Variants in ERBB4 observed in about 807,000 individuals in gnomAD.
ERBB4 encodes the protein erb-b2 receptor tyrosine kinase 4.
ERBB4 carries 42 observed loss-of-function variants against 158.0 expected under a neutral mutation model. The observed-to-expected ratio is 0.27, with a 90% CI of 0.21 to 0.34. The LOEUF (loss-of-function observed/expected upper bound fraction) is 0.34. Among genes scored for constraint, ERBB4 ranks in the 10% least tolerant of loss-of-function variants. ERBB4 has a pLI of 1.00. For synonymous variants in ERBB4, 583 were observed against 558.7 expected (o/e 1.04, Z -0.61); for missense variants, 1,333 against 1,624.1 (o/e 0.82, Z 3.08).
chr2:211,769,418 A>AT lies in ERBB4; in HGVS notation c.556+18606dup, dbSNP rs1343405318. 5.3e-5 allele frequency among the ~76,000 whole-genome samples: 8 copies of AT among 152,132 alleles called. No homozygotes were observed. In the East Asian group the frequency reaches 5.8e-4, roughly 11 times the overall value. On this transcript the variant is annotated intron_variant, in intron 4 of 27. Transcript: ENST00000342788. ...CAAAGTTGCTTCCACATTTCCAGGT[A>AT]TTTTTTAGCAACACCTCACTCCTGC...
At position 211,772,908 on chromosome 2, in the gene ERBB4, T is replaced by TACACACACACAC. The variant is rs200843814; in HGVS notation, c.556+15105_556+15116dup. 4.7e-4 allele frequency among the ~76,000 whole-genome samples: 29 copies of TACACACACACAC among 61,308 alleles called. 1 individual carries two copies. Among genetic ancestry groups the TACACACACACAC allele is most frequent in the African/African-American group, 2.1e-3 (28 of 13,562 alleles). 40.2% of individuals were successfully genotyped at this position (61,308 alleles called of 152,430 possible). Reference sequence around the variant, plus strand: ...ATACACACACACACACATATATATATACACACACACACACACATATATATA... The same window carrying TACACACACACAC: ...ATACACACACACACACATATATATATACACACACACACACACACACACACACACATATATATA... On this transcript the variant is annotated intron_variant, in intron 4 of 27. Transcript: ENST00000342788.
At chr2:211,621,162 A>G (rs1324409605) in intron 18 of ERBB4, among the ~76,000 whole-genome samples, 1 of 151,966 alleles carries the variant, frequency 6.6e-6, no homozygotes, top group Non-Finnish European at 1.5e-5. Flanking sequence ...AATTCAATGT[A>G]AAGTATTTTA....
chr2:211,571,233 T>C (rs899166243), intron 19 of ERBB4, among the ~76,000 whole-genome samples: 12 of 152,006 alleles, frequency 7.9e-5, no homozygotes, highest in Admixed American at 3.3e-4. Context: ...TGGCTGTACC[T>C]CACTTTGTTT....
At chr2:212,508,419 T>A (rs1406996707) in intron 1 of ERBB4, among the ~76,000 whole-genome samples, 1 of 152,128 alleles carries the variant, frequency 6.6e-6, no homozygotes, top group Non-Finnish European at 1.5e-5. Context: ...TACTTATGGG[T>A]TTATGCATTG....
intron 20 of ERBB4, among the ~76,000 whole-genome samples, chr2:211,548,759 A>G (rs1214595871): frequency 6.6e-6 from 1 of 152,062 alleles, no homozygotes; most frequent in Non-Finnish European, 1.5e-5. Context: ...TTCTGTGAGG[A>G]TCTAGAGAAT....
At chr2:211,746,654 C>G (rs1216958759) in intron 5 of ERBB4, among the ~76,000 whole-genome samples, 2 of 151,942 alleles carry the variant, frequency 1.3e-5, no homozygotes, top group Admixed American at 6.6e-5. Context: ...CATGGCGAAA[C>G]CCCGTCTCTA....
chr2:212,195,476 T>G (rs2082398499), intron 1 of ERBB4, among the ~76,000 whole-genome samples: 1 of 144,328 alleles, frequency 6.9e-6, no homozygotes, highest in Non-Finnish European at 1.6e-5. Context: ...ATTTTTAAAT[T>G]TAAATTAATT....
intron 11 of ERBB4, among the ~76,000 whole-genome samples, chr2:211,703,605 G>A (rs1190145694): frequency 6.6e-6 from 1 of 152,074 alleles, no homozygotes; most frequent in Non-Finnish European, 1.5e-5. Context: ...TTTTATCAAT[G>A]TCCTTCTAAA....
intron 1 of ERBB4, among the ~76,000 whole-genome samples, chr2:212,265,020 G>C (rs909150804): frequency 1.4e-4 from 21 of 152,058 alleles, no homozygotes; most frequent in African/African-American, 4.6e-4. Context: ...CCTATGTGGA[G>C]AGGGGCCCAC....
chr2:212,015,777 C>T (rs992218834), intron 2 of ERBB4, among the ~76,000 whole-genome samples: 1 of 152,088 alleles, frequency 6.6e-6, no homozygotes, highest in African/African-American at 2.4e-5. Context: ...GTATTTTCAA[C>T]AGGAGGATGA....
intron 4 of ERBB4, among the ~76,000 whole-genome samples, chr2:211,769,864 A>T (rs2075647787): frequency 6.6e-6 from 1 of 152,194 alleles, no homozygotes; most frequent in Non-Finnish European, 1.5e-5. Flanking sequence ...AGCTGATTAG[A>T]TGGTGCCCAC....
chr2:212,132,781 G>A (rs1356981500), intron 1 of ERBB4, among the ~76,000 whole-genome samples: 2 of 151,980 alleles, frequency 1.3e-5, no homozygotes, highest in Admixed American at 6.6e-5. Flanking sequence ...CTCTATGTGT[G>A]TGTGCGCGCT....
intron 18 of ERBB4, among the ~76,000 whole-genome samples, chr2:211,621,068 T>A (rs755616231): frequency 6.6e-6 from 1 of 152,126 alleles, no homozygotes; most frequent in Non-Finnish European, 1.5e-5. Context: ...TGAACTGTGA[T>A]TAAACCACTG....
chr2:211,738,361 G>GTTTTTTTT (rs10535592), intron 5 of ERBB4, among the ~76,000 whole-genome samples: 49 of 135,330 alleles, frequency 3.6e-4, no homozygotes, highest in Non-Finnish European at 5.8e-4. Context: ...CTTTGTTTTT[G>GTTTTTTTT]TTTTTTTTTT....
intron 19 of ERBB4, among the ~76,000 whole-genome samples, chr2:211,577,914 C>T (rs2067941684): frequency 6.6e-6 from 1 of 152,060 alleles, no homozygotes; most frequent in African/African-American, 2.4e-5. Context: ...ACAAGGATGC[C>T]CTCTCTCATC....
chr2:211,638,327 C>T (rs570583354), intron 16 of ERBB4, among the ~76,000 whole-genome samples: 1 of 152,184 alleles, frequency 6.6e-6, no homozygotes, highest in Non-Finnish European at 1.5e-5. Context: ...CATTGAAATT[C>T]CCCAGAAGAC....
At chr2:211,504,606 T>A (rs1266161647) in intron 20 of ERBB4, among the ~76,000 whole-genome samples, 1 of 152,066 alleles carries the variant, frequency 6.6e-6, no homozygotes, top group African/African-American at 2.4e-5. Context: ...CAATGGATCC[T>A]AACCAAAATG....
At chr2:212,299,595 A>T (rs2086545395) in intron 1 of ERBB4, among the ~76,000 whole-genome samples, 1 of 151,534 alleles carries the variant, frequency 6.6e-6, no homozygotes, top group African/African-American at 2.4e-5. Flanking sequence ...CTGAATATCT[A>T]TATATAATAA....
Position 212,302,106 on chromosome 2 carries a change from C to T in ERBB4, c.83-177203G>A, listed in dbSNP as rs113936878. 5.2e-3 allele frequency among the ~76,000 whole-genome samples: 790 copies of T among 151,408 alleles called. 4 individuals are homozygous for T. The highest frequency in any genetic ancestry group is 0.017 in the Middle Eastern group (5 of 294). The stretch of plus-strand genomic sequence containing the variant: ...TTTAAATTTGGGCTGATTGATTATG[C>T]CATTTACTAGACATGTGATCTTGGG... On this transcript the variant is annotated intron_variant, in intron 1 of 27. Coordinates refer to ENST00000342788, the MANE Select transcript of ERBB4 (RefSeq NM_005235.3).
Sources: allele counts gnomAD v4.1 joint callset (sites outside exome capture counted in the v4.1 genomes callset), GRCh38; gene constraint gnomAD v4.1.1; transcripts MANE v1.5; gene names NCBI Gene and HGNC (gene_info 2026-07-23, HGNC 2026-07-21).